CALD1: variants seen among roughly 807,000 people sequenced by gnomAD.
The protein encoded by CALD1 is caldesmon.
A neutral mutation model predicts 99.9 loss-of-function variants in CALD1; 33 were observed. The observed-to-expected ratio is 0.33, with a 90% CI of 0.25 to 0.44. The LOEUF (loss-of-function observed/expected upper bound fraction) is 0.44, where lower values mean the gene tolerates loss of function less well. Among genes scored for constraint, CALD1 ranks in the 20% least tolerant of loss-of-function variants. CALD1 has a pLI of 1.00. For missense variants in CALD1, 861 were observed against 962.1 expected (o/e 0.89, Z 1.39); for synonymous variants, 310 against 325.0 (o/e 0.95, Z 0.50).
At chr7:134,949,313 C>G (rs1361702845) in intron 8 of CALD1, among the ~76,000 whole-genome samples, 1 of 152,120 alleles carries the variant, frequency 6.6e-6, no homozygotes, top group Non-Finnish European at 1.5e-5. Flanking sequence ...AACATCTAGT[C>G]TCTGCTTGAG....
Position 134,933,141 on chromosome 7 carries a change from A to G in CALD1, c.372A>G (p.Thr124=). Residue 124 remains threonine, a synonymous_variant, in exon 5 of 15, where the codon ACA becomes ACG. Coordinates refer to ENST00000361675, the MANE Select transcript of CALD1 (RefSeq NM_033138.4). The part of the protein sequence containing the change: ...ALERQKEFDP[T]ITDASLSLPS... ...AGCGGCAGAAGGAGTTCGACCCAAC[A>G]ATAACAGATGCAAGTCTGTCGCTCC... 1 of 1,613,830 alleles carries G rather than the reference A, an allele frequency of 6.2e-7. No individual in the cohort carries two copies. Among genetic ancestry groups the G allele is most frequent in the Admixed American group, 1.7e-5 (1 of 59,972 alleles).
At chr7:134,885,375 T>A (rs1801806414) in intron 3 of CALD1, among the ~76,000 whole-genome samples, 1 of 152,178 alleles carries the variant, frequency 6.6e-6, no homozygotes, top group South Asian at 2.1e-4. Flanking sequence ...AAACACATAA[T>A]GGATTATTTC....
At chr7:134,854,645 C>T (rs757010595) in intron 2 of CALD1, among the ~76,000 whole-genome samples, 1 of 152,214 alleles carries the variant, frequency 6.6e-6, no homozygotes, top group Non-Finnish European at 1.5e-5. Flanking sequence ...TCAGCTACAT[C>T]TGTCATATAG....
rs372560014 is a variant in CALD1, at chr7:134,941,193, A to G, written c.1488A>G (p.Gly496=). 2.5e-5 allele frequency: 41 copies of G among 1,613,122 alleles called. No individual in the cohort carries two copies. The highest frequency in any genetic ancestry group is 3.4e-5 in the Non-Finnish European group (40 of 1,179,638). ...KGFTEVKSQN[G]EFMTHKLKHT... ...TTACAGAAGTTAAGTCGCAGAATGG[A>G]GAATTCATGACCCACAAACTTAAAC... The change falls in exon 7 of 15, where the codon GGA becomes GGG. Residue 496 remains glycine, a synonymous_variant. Coordinates refer to ENST00000361675, the MANE Select transcript of CALD1 (RefSeq NM_033138.4).
chr7:134,775,212 A>G (rs906726318), upstream of CALD1, among the ~76,000 whole-genome samples: 1 of 152,152 alleles, frequency 6.6e-6, no homozygotes, highest in Non-Finnish European at 1.5e-5. Context: ...TTCCTCTAAA[A>G]TAATTCATAT....
chr7:134,767,202 T>G (rs1306770829), intron 1 of CALD1, among the ~76,000 whole-genome samples: 8 of 148,206 alleles, frequency 5.4e-5, no homozygotes, highest in Non-Finnish European at 1.0e-4. Context: ...TCTCTGTGTG[T>G]GTGTGTGTGT....
At chr7:134,829,607 G>C (rs996609019) in intron 1 of CALD1, among the ~76,000 whole-genome samples, 2 of 152,158 alleles carry the variant, frequency 1.3e-5, no homozygotes, top group Non-Finnish European at 2.9e-5. Flanking sequence ...AGGCACAAGA[G>C]GAAGCTGGAG....
In CALD1 at chr7:134,845,915, G is replaced by C. The variant is rs546152580; in HGVS notation, c.-42+1944G>C. 2.6e-5 allele frequency among the ~76,000 whole-genome samples: 4 copies of C among 152,306 alleles called. No individual in the cohort carries two copies. In the South Asian group the frequency reaches 6.2e-4, roughly 24 times the overall value. ...GTGTGTGTCTATTTTTTCTCCCCTA[G>C]TGTTTTTGGACCTATTTTGTTCCTT... On this transcript the variant is annotated intron_variant, in intron 2 of 14. Transcript: ENST00000361675.
chr7:134,942,489 T>G (rs1308299118), intron 7 of CALD1, among the ~76,000 whole-genome samples: 2 of 152,180 alleles, frequency 1.3e-5, no homozygotes, highest in Non-Finnish European at 2.9e-5. Context: ...AATAAAATGA[T>G]GAAGGTGTAA....
At chr7:134,740,419 T>C (rs10808276), upstream of CALD1, among the ~76,000 whole-genome samples, 64,867 of 151,984 alleles carry the variant, frequency 0.43, 14,854 homozygotes, top group East Asian at 0.79. Flanking sequence ...AAGTCTTATT[T>C]TTAGGTCCAA....
intron 9 of CALD1, among the ~76,000 whole-genome samples, chr7:134,950,780 A>G (rs1722804251): frequency 6.6e-6 from 1 of 152,046 alleles, no homozygotes; most frequent in African/African-American, 2.4e-5. Context: ...CCGTGGTGAA[A>G]CCCCATCTCT....
intron 2 of CALD1, among the ~76,000 whole-genome samples, chr7:134,850,241 T>C (rs1800020890): frequency 6.6e-6 from 1 of 152,208 alleles, no homozygotes; most frequent in African/African-American, 2.4e-5. Flanking sequence ...AGTAAGAGCA[T>C]TTGTAGAAGA....
intron 3 of CALD1, among the ~76,000 whole-genome samples, chr7:134,884,420 C>A (rs762419848): frequency 1.3e-5 from 2 of 152,152 alleles, no homozygotes; most frequent in Non-Finnish European, 2.9e-5. Context: ...GACTACGCAG[C>A]TTCCTAACAT....
chr7:134,859,387 G>A (rs1274034457), intron 2 of CALD1, among the ~76,000 whole-genome samples: 1 of 152,140 alleles, frequency 6.6e-6, no homozygotes, highest in Admixed American at 6.5e-5. Context: ...TGTGTCATTT[G>A]TTCTTCTCTA....
At chr7:134,848,622 A>T (rs3800732) in intron 2 of CALD1, among the ~76,000 whole-genome samples, 35 of 152,096 alleles carry the variant, frequency 2.3e-4, no homozygotes, top group African/African-American at 8.2e-4. Flanking sequence ...AACATACTGC[A>T]TTCATGTTGG....
chr7:134,791,986 C>T (rs997174476), intron 1 of CALD1, among the ~76,000 whole-genome samples: 33 of 152,182 alleles, frequency 2.2e-4, no homozygotes, highest in Non-Finnish European at 2.1e-4. Context: ...GGGCAACTGC[C>T]GCCGTGATTC....
chr7:134,767,226 CGTGT>C (rs142210439), intron 1 of CALD1, among the ~76,000 whole-genome samples: 2 of 141,480 alleles, frequency 1.4e-5, no homozygotes, highest in African/African-American at 2.6e-5. Context: ...TGTGTGTGTG[CGTGT>C]GTGACATAAA....
rs34915812 is a variant in CALD1 at position 134,864,404 on chromosome 7, C to CTT, written c.-41-3278_-41-3277dup. ...GGTGATTTGAAATCTTTTTTCTTTC[C>CTT]TTTTTTTTTTTTGAGATGGAGTCTC... is the stretch of plus-strand genomic sequence containing the variant. On this transcript the variant is annotated intron_variant, in intron 2 of 14. Coordinates refer to ENST00000361675, the MANE Select transcript of CALD1 (RefSeq NM_033138.4). 1.1e-3 allele frequency among the ~76,000 whole-genome samples: 162 copies of CTT among 142,562 alleles called. 1 individual carries two copies. The East Asian group carries it at 0.016, about 14-fold the overall frequency. 93.5% of individuals were successfully genotyped at this position (142,562 alleles called of 152,430 possible). A position where few individuals can be genotyped will look rare whatever the true frequency, so the allele number is the denominator to read the frequency against.
chr7:134,887,650 ATG>A (rs1232909557), intron 3 of CALD1, among the ~76,000 whole-genome samples: 3 of 150,184 alleles, frequency 2.0e-5, no homozygotes, highest in Non-Finnish European at 3.0e-5. Flanking sequence ...GCATGTCTGT[ATG>A]TGTGTGCATG....
Sources: gnomAD v4.1 joint callset for allele counts (sites outside exome capture counted in the v4.1 genomes callset) on GRCh38, gnomAD v4.1.1 for gene constraint, MANE v1.5 for transcripts, NCBI Gene and HGNC (gene_info 2026-07-23, HGNC 2026-07-21) for gene names.